The following GPANK1 variants were observed in gnomAD, a reference collection of about 807,000 sequenced individuals.
GPANK1 encodes the protein G-patch domain and ankyrin repeats 1.
Under a neutral mutation model 24.0 loss-of-function variants are expected in GPANK1, and 22 were observed. That is an observed-to-expected ratio of 0.92 (90% CI 0.66 to 1.31). GPANK1 has a LOEUF of 1.31. Among genes scored for constraint, GPANK1 ranks in the 50% most tolerant of loss-of-function variants. The pLI, the probability that GPANK1 is intolerant of heterozygous loss-of-function variation, is 0.00. For synonymous variants in GPANK1, 174 were observed against 177.4 expected (o/e 0.98, Z 0.15); for missense variants, 469 against 453.5 (o/e 1.03, Z -0.31).
upstream of GPANK1, chr6:31,666,100 C>A: frequency 1.0e-6 from 1 of 993,974 alleles, no homozygotes. Flanking sequence ...CCCCCCACCC[C>A]ACTTCGCCTG....
upstream of GPANK1, chr6:31,666,146 G>T (rs1801669324): frequency 1.0e-6 from 1 of 990,928 alleles, no homozygotes; most frequent in Non-Finnish European, 1.2e-6. Context: ...TGTAGCGGTC[G>T]CCGCCGTTCC....
rs1024027824 is a variant in GPANK1 at position 31,661,625 on chromosome 6, G to A, written c.*641C>T. The A allele has an allele frequency of 8.5e-5, 13 of 153,646 alleles. No homozygotes were observed. The highest frequency in any genetic ancestry group is 1.5e-4 in the Non-Finnish European group (10 of 68,804). 9.5% of individuals were successfully genotyped at this position (153,646 alleles called of 1,614,324 possible). A position where few individuals can be genotyped will look rare whatever the true frequency, so the allele number is the denominator to read the frequency against. On this transcript the variant is annotated 3_prime_UTR_variant, in exon 3 of 3. Coordinates refer to ENST00000375896, the MANE Select transcript of GPANK1 (RefSeq NM_033177.4). The stretch of plus-strand genomic sequence containing the variant: ...TGAGGCAGGAGAATCCCTTGAACTC[G>A]GGGGGCAGAGGTTGTGGTGAGCCGA...
upstream of GPANK1, chr6:31,665,430 C>T (rs764347376): frequency 1.9e-6 from 3 of 1,561,434 alleles, no homozygotes; most frequent in South Asian, 2.4e-5. Flanking sequence ...GAAGGTCACA[C>T]TTAGAGCCTA....
chr6:31,665,615 C>T, upstream of GPANK1: 1 of 1,049,630 alleles, frequency 9.5e-7, no homozygotes, highest in South Asian at 1.4e-5. Flanking sequence ...AACAGTATGC[C>T]CGTCAAGGGT....
chr6:31,664,220 C>T lies in GPANK1; in HGVS notation c.259G>A (p.Gly87Arg), dbSNP rs756637255. ...KAPAAEAVAE[G>R]ASGRHGQGRS... Reference sequence around the variant, plus strand: ...CCTTGTCCATGTCTTCCTGATGCTCCTTCTGCCACTGCTTCTGCTGCTGGT... The same window carrying T: ...CCTTGTCCATGTCTTCCTGATGCTCTTTCTGCCACTGCTTCTGCTGCTGGT... The change falls in exon 2 of 3, where the codon GGA becomes AGA. Residue 87 changes from glycine (G) to arginine (R), a missense_variant. Physicochemically the swap from Gly to Arg is moderately radical, Grantham distance 125 (BLOSUM62 -2). Transcript: ENST00000375896. 1.2e-6 allele frequency: 2 copies of T among 1,614,130 alleles called. No individual in the cohort carries two copies. Among genetic ancestry groups the T allele is most frequent in the Non-Finnish European group, 8.5e-7 (1 of 1,179,926 alleles).
chr6:31,665,234 G>GC, upstream of GPANK1: 1 of 575,324 alleles, frequency 1.7e-6, no homozygotes. Context: ...TTTACATAAC[G>GC]CCCCCACAAT....
Position 31,662,496 on chromosome 6 carries a change from G to A in GPANK1, c.841C>T (p.Arg281Cys), listed in dbSNP as rs549353194. The A allele has an allele frequency of 8.7e-6, 14 of 1,612,056 alleles. No homozygotes were observed. The highest frequency in any genetic ancestry group is 3.3e-4 in the Middle Eastern group (2 of 6,058). Residue 281 changes from arginine to cysteine, a missense_variant, in exon 3 of 3, where the codon CGT (arginine) becomes TGT (cysteine). Physicochemically the swap from Arg to Cys is radical, Grantham distance 180. Transcript: ENST00000375896. The surrounding 1 kb of genome is among the most constrained non-coding windows in gnomAD (Gnocchi z 5.5). ...AGGACAGTGGGGATGGGATTGGCAC[G>A]GCCCTCACCCCGGGGTCCCAGCCCC... is the stretch of plus-strand genomic sequence containing the variant. ...GMGLGPRGEG[R>C]ANPIPTVLKR...
rs748267123 is a variant in GPANK1, at chr6:31,664,262, TTTTCTTTCTC to T, written c.207_216del (p.Arg70GlufsTer3). On this transcript the variant is annotated frameshift_variant, in exon 2 of 3. Coordinates refer to ENST00000375896, the MANE Select transcript of GPANK1 (RefSeq NM_033177.4). LOFTEE classifies it high-confidence loss of function. ...GCTGCTGGTGCCTTCATTATTCTTCTTTTCTTTCTCTTTCTTTCTCTGGCAGGTTCAGTCT... is the reference window on the plus strand; with the variant it reads ...GCTGCTGGTGCCTTCATTATTCTTCTTTTCTTTCTCTGGCAGGTTCAGTCT... 72 of 1,613,996 alleles carry T rather than the reference TTTTCTTTCTC, an allele frequency of 4.5e-5. No individual in the cohort carries two copies. The highest frequency in any genetic ancestry group is 5.8e-5 in the Non-Finnish European group (68 of 1,179,954).
At position 31,662,801 on chromosome 6, in the gene GPANK1, T is replaced by A; in HGVS notation, c.627-91A>T. The A allele has an allele frequency of 1.3e-6, 1 of 774,908 alleles. No individual in the cohort carries two copies. The highest frequency in any genetic ancestry group is 3.7e-4 in the Middle Eastern group (1 of 2,696). The allele number at this position is 774,908 out of a possible 1,614,324, so 48.0% of individuals were successfully genotyped here. ...AGGGGGCTGGCAGGGTAGAATAGGA[T>A]CTTTTCAGCTTTTCTGCTAAGGAAC... On this transcript the variant is annotated intron_variant, in intron 2 of 2. Coordinates refer to ENST00000375896, the MANE Select transcript of GPANK1 (RefSeq NM_033177.4). The surrounding 1 kb of genome is among the most constrained non-coding windows in gnomAD (Gnocchi z 5.5).
upstream of GPANK1, chr6:31,665,578 C>A: frequency 7.9e-7 from 1 of 1,272,756 alleles, no homozygotes; most frequent in Non-Finnish European, 1.1e-6. Context: ...CCGCACCTCT[C>A]CCCTCATGAG....
upstream of GPANK1, chr6:31,665,069 A>C (rs1013566445): frequency 6.3e-6 from 2 of 318,880 alleles, no homozygotes; most frequent in African/African-American, 4.2e-5. Context: ...GGCGACAACA[A>C]CAACAAAAAC....
intron 2 of GPANK1, chr6:31,663,423 T>C (rs1801169760): frequency 5.9e-6 from 1 of 168,514 alleles, no homozygotes; most frequent in African/African-American, 2.4e-5. Flanking sequence ...TTTAAACCAT[T>C]GTGGGATCCA....
chr6:31,663,820 G>A (rs753706029), intron 2 of GPANK1, 33 bp downstream of exon 2: 5 of 1,526,242 alleles, frequency 3.3e-6, no homozygotes, highest in Non-Finnish European at 3.5e-6. Flanking sequence ...AGAACACAAT[G>A]AGACATGGGT....
At position 31,663,987 on chromosome 6, in the gene GPANK1, G is replaced by A. The variant is rs781682742; in HGVS notation, c.492C>T (p.Gly164=). ...GQGAAVSYLL[G]RGAAWVGVCE... Reference sequence around the variant, plus strand: ...AGACCCCCACCCAGGCAGCCCCACGGCCCAGGAGATAGCTCACAGCTGCCC... The same window carrying A: ...AGACCCCCACCCAGGCAGCCCCACGACCCAGGAGATAGCTCACAGCTGCCC... The change falls in exon 2 of 3, where the codon GGC becomes GGT. Residue 164 remains glycine, a synonymous_variant. Transcript: ENST00000375896. The A allele has an allele frequency of 1.2e-6, 2 of 1,614,062 alleles. No homozygotes were observed. Among genetic ancestry groups the A allele is most frequent in the East Asian group, 2.2e-5 (1 of 44,882 alleles).
Position 31,664,327 on chromosome 6 carries a change from T to C in GPANK1, c.152A>G (p.Glu51Gly), listed in dbSNP as rs1236788734. 1.2e-6 allele frequency: 2 copies of C among 1,614,098 alleles called. No homozygotes were observed. The highest frequency in any genetic ancestry group is 1.7e-6 in the Non-Finnish European group (2 of 1,180,036). The change falls in exon 2 of 3, where the codon GAG becomes GGG. Residue 51 changes from glutamate to glycine, a missense_variant. Physicochemically the swap from Glu to Gly is moderately conservative, Grantham distance 98 (BLOSUM62 -2). Coordinates refer to ENST00000375896, the MANE Select transcript of GPANK1 (RefSeq NM_033177.4). ...RAFYEALIGDESSAPDSQRSQ... is the reference protein window; with the variant it reads ...RAFYEALIGDGSSAPDSQRSQ... The stretch of plus-strand genomic sequence containing the variant: ...TCTCTGGGAGTCAGGAGCGCTGCTC[T>C]CATCCCCAATCAGGGCCTCATAGAA...
At chr6:31,666,039 A>C, upstream of GPANK1, 2 of 995,472 alleles carry the variant, frequency 2.0e-6, no homozygotes, top group Non-Finnish European at 1.2e-6. Context: ...GCGGCACCTG[A>C]CCCTTGGCGC....
In GPANK1 at chr6:31,662,284, G is replaced by A. The variant is rs1562022164; in HGVS notation, c.1053C>T (p.Tyr351=). The A allele has an allele frequency of 3.2e-6, 5 of 1,551,270 alleles. No homozygotes were observed. The South Asian group carries it at 3.6e-5, about 11-fold the overall frequency. The change falls in exon 3 of 3, where the codon TAC becomes TAT. Residue 351 remains tyrosine (Y), a synonymous_variant. Transcript: ENST00000375896. This position sits in a 1 kb window ranked among gnomAD's most constrained non-coding sequence, Gnocchi z 5.5. ...DRAWERDLRT[Y]MNLEF ...ACCAAAGTCAGAACTCGAGGTTCAT[G>A]TAAGTCCTTAGATCCCGCTCCCAAG...
In GPANK1 at chr6:31,662,353, T is replaced by C; in HGVS notation, c.984A>G (p.Thr328=). Residue 328 remains threonine, a synonymous_variant, in exon 3 of 3, where the codon ACA becomes ACG. Coordinates refer to ENST00000375896, the MANE Select transcript of GPANK1 (RefSeq NM_033177.4). The surrounding 1 kb of genome is among the most constrained non-coding windows in gnomAD (Gnocchi z 5.5). The part of the protein sequence containing the change: ...AGRERPPRVA[T]LSWREERRRE... ...TCCTTCTCTCCTCCCTCCAGCTCAGTGTGGCCACCCGAGGGGGTCTCTCCC... is the reference window on the plus strand; with the variant it reads ...TCCTTCTCTCCTCCCTCCAGCTCAGCGTGGCCACCCGAGGGGGTCTCTCCC... 6.2e-7 allele frequency: 1 copy of C among 1,611,796 alleles called. No individual in the cohort carries two copies. Among genetic ancestry groups the C allele is most frequent in the African/African-American group, 1.3e-5 (1 of 75,032 alleles).
At chr6:31,665,655 C>A, upstream of GPANK1, 1 of 871,398 alleles carries the variant, frequency 1.1e-6, no homozygotes, top group Non-Finnish European at 1.8e-6. Context: ...CACTAGGGGC[C>A]CAACAGGCAA....
Sources: allele counts gnomAD v4.1 joint callset, GRCh38; gene constraint gnomAD v4.1.1; non-coding constraint Gnocchi (gnomAD v3.1); transcripts MANE v1.5; gene names NCBI Gene and HGNC (gene_info 2026-07-23, HGNC 2026-07-21).